The following MMS22L variants were observed in gnomAD, a reference collection of about 807,000 sequenced individuals.
The protein encoded by MMS22L is protein MMS22-like.
Under a neutral mutation model 159.1 loss-of-function variants are expected in MMS22L, and 74 were observed. That is an observed-to-expected ratio of 0.47 (90% CI 0.39 to 0.56). The LOEUF (loss-of-function observed/expected upper bound fraction) is 0.56, where lower values mean the gene tolerates loss of function less well. Ranked by LOEUF, MMS22L falls within the 20% of genes least tolerant of loss-of-function variation. MMS22L has a pLI of 0.00. For synonymous variants in MMS22L, 517 were observed against 506.9 expected (o/e 1.02, Z -0.27); for missense variants, 1,351 against 1,422.1 (o/e 0.95, Z 0.80).
chr6:97,182,284 C>T (rs1023880706), intron 15 of MMS22L, among the ~76,000 whole-genome samples: 2 of 152,034 alleles, frequency 1.3e-5, no homozygotes, highest in African/African-American at 2.4e-5. Flanking sequence ...AAGAATTTAT[C>T]TCTGCATTAT....
At chr6:97,151,972 G>C in intron 22 of MMS22L, 105 bp from the exon 23 acceptor site, 1 of 807,614 alleles carries the variant, frequency 1.2e-6, no homozygotes, top group Non-Finnish European at 2.0e-6. Context: ...TTTTCTTAAA[G>C]TATGTACATC....
At chr6:97,202,432 T>C (rs1056111864) in intron 14 of MMS22L, among the ~76,000 whole-genome samples, 2 of 152,198 alleles carry the variant, frequency 1.3e-5, no homozygotes, top group Admixed American at 1.3e-4. Context: ...GCAACACAAC[T>C]TTTAAATATC....
intron 14 of MMS22L, among the ~76,000 whole-genome samples, chr6:97,205,236 C>T (rs945843456): frequency 2.0e-5 from 3 of 151,872 alleles, no homozygotes; most frequent in Admixed American, 6.6e-5. Flanking sequence ...AGCCACCATA[C>T]TCGGCCACGT....
chr6:97,244,673 C>T (rs1010652360), intron 11 of MMS22L, among the ~76,000 whole-genome samples: 2 of 152,214 alleles, frequency 1.3e-5, no homozygotes, highest in Non-Finnish European at 2.9e-5. Flanking sequence ...GCTTTGAGAC[C>T]TGGACTGGAT....
At chr6:97,195,716 G>A (rs34561905) in intron 14 of MMS22L, among the ~76,000 whole-genome samples, 2,357 of 152,290 alleles carry the variant, frequency 0.015, 32 homozygotes, top group Non-Finnish European at 0.023. Context: ...TTCTGAACTG[G>A]AGGGTGATAT....
intron 22 of MMS22L, 62 bp downstream of exon 22, chr6:97,161,940 G>C: frequency 2.0e-6 from 3 of 1,490,682 alleles, no homozygotes; most frequent in Non-Finnish European, 1.8e-6. Flanking sequence ...AAATTGAGGG[G>C]AAACAGTAGT....
At chr6:97,189,721 G>A (rs961839668) in intron 14 of MMS22L, among the ~76,000 whole-genome samples, 8 of 151,966 alleles carry the variant, frequency 5.3e-5, no homozygotes, top group Admixed American at 1.3e-4. Flanking sequence ...ACTTGTGTTG[G>A]AAATGTGCAC....
chr6:97,233,905 T>G lies in MMS22L; in HGVS notation c.1258A>C (p.Ile420Leu). 1 of 1,611,452 alleles carries G rather than the reference T, an allele frequency of 6.2e-7. No individual in the cohort carries two copies. The highest frequency in any genetic ancestry group is 8.5e-7 in the Non-Finnish European group (1 of 1,178,774). Residue 420 changes from isoleucine (I) to leucine (L), a missense_variant, in exon 12 of 25, where the codon ATT becomes CTT. Coordinates refer to ENST00000683635, the MANE Select transcript of MMS22L (RefSeq NM_001350599.2). Reference protein sequence around the residue: ...LTLCDFWEPNIAIVTILWEYY... With the variant: ...LTLCDFWEPNLAIVTILWEYY... ...TCCCATAAAATGGTAACAATTGCAA[T>G]GTTTGGCTCCCAGAAATCACAAAGT...
chr6:97,254,773 T>G, intron 9 of MMS22L, 40 bp from the exon 10 acceptor site: 1 of 1,478,914 alleles, frequency 6.8e-7, no homozygotes, highest in Non-Finnish European at 9.0e-7. Flanking sequence ...TAAGACAGTT[T>G]CAATAACCTT....
At chr6:97,168,529 G>A (rs533375956) in intron 19 of MMS22L, among the ~76,000 whole-genome samples, 6 of 151,990 alleles carry the variant, frequency 3.9e-5, no homozygotes, top group South Asian at 2.1e-4. Flanking sequence ...AATCTGAAAC[G>A]CTCCAAAATC....
chr6:97,233,938 A>T lies in MMS22L; in HGVS notation c.1225T>A (p.Cys409Ser). 3.1e-6 allele frequency: 5 copies of T among 1,611,346 alleles called. No individual in the cohort carries two copies. Among genetic ancestry groups the T allele is most frequent in the Non-Finnish European group, 4.2e-6 (5 of 1,178,868 alleles). ...EEQLRMYLHC[C>S]LTLCDFWEPN... ...TCCCAGAAATCACAAAGTGTCAAAC[A>T]ACAGTGAAGATACATTCGTAATTGT... The change falls in exon 12 of 25, where the codon TGT becomes AGT. Residue 409 changes from cysteine (C) to serine (S), a missense_variant. Transcript: ENST00000683635.
chr6:97,252,988 T>C (rs906396580), intron 10 of MMS22L, among the ~76,000 whole-genome samples: 10 of 152,210 alleles, frequency 6.6e-5, no homozygotes, highest in Middle Eastern at 3.2e-3. Flanking sequence ...AAATTTATTA[T>C]TTACTCTGTA....
At chr6:97,270,248 AAG>A in intron 6 of MMS22L, 1 of 587,950 alleles carries the variant, frequency 1.7e-6, no homozygotes, top group Non-Finnish European at 3.2e-6. Flanking sequence ...TTGTATAGTA[AAG>A]GTACCTTCCA....
chr6:97,235,557 G>C (rs1811304947), intron 11 of MMS22L, among the ~76,000 whole-genome samples: 1 of 152,140 alleles, frequency 6.6e-6, no homozygotes, highest in Non-Finnish European at 1.5e-5. Context: ...GATGCCAAGA[G>C]AAGTACTTCA....
rs933702128 is a variant in MMS22L, at chr6:97,220,404, A to G, written c.2039+8490T>C. 7.2e-5 allele frequency among the ~76,000 whole-genome samples: 11 copies of G among 152,310 alleles called. No individual in the cohort carries two copies. In the East Asian group the frequency reaches 1.5e-3, roughly 21 times the overall value. ...AATGAAATGTTCTAAAATAGTGGTG[A>G]TGGGTACAAAACAACTATGAATATA... On this transcript the variant is annotated intron_variant, in intron 14 of 24. Transcript: ENST00000683635.
At chr6:97,189,313 A>C (rs1805602324) in intron 14 of MMS22L, among the ~76,000 whole-genome samples, 1 of 151,038 alleles carries the variant, frequency 6.6e-6, no homozygotes, top group Non-Finnish European at 1.5e-5. Context: ...TAATCCCAGC[A>C]TTTTGGGAGG....
intron 19 of MMS22L, among the ~76,000 whole-genome samples, chr6:97,172,357 A>G (rs1803635015): frequency 6.6e-6 from 1 of 152,136 alleles, no homozygotes; most frequent in South Asian, 2.1e-4. Context: ...CATTCATAAG[A>G]TTAAAGGGAA....
intron 14 of MMS22L, among the ~76,000 whole-genome samples, chr6:97,220,957 GACACACACACACACACACACACACACAC>G (rs71012586): frequency 7.0e-6 from 1 of 143,502 alleles, no homozygotes; most frequent in African/African-American, 2.6e-5. Flanking sequence ...TAAGACCCCT[GACACACACACACACACACACACACACAC>G]ACACACACAC....
intron 14 of MMS22L, among the ~76,000 whole-genome samples, chr6:97,227,865 ATAAATAT>A (rs958491539): frequency 1.3e-5 from 2 of 152,260 alleles, no homozygotes; most frequent in Non-Finnish European, 2.9e-5. Context: ...CCTAAAGGCA[ATAAATAT>A]CATAACCATT....
Sources: allele counts gnomAD v4.1 joint callset (sites outside exome capture counted in the v4.1 genomes callset), GRCh38; gene constraint gnomAD v4.1.1; transcripts MANE v1.5; gene names NCBI Gene and HGNC (gene_info 2026-07-23, HGNC 2026-07-21).